TBCD: variants seen among roughly 807,000 people sequenced by gnomAD.
TBCD encodes tubulin folding cofactor D, also known as tubulin-specific chaperone D.
In TBCD, 105 loss-of-function variants were observed where a neutral mutation model predicts 169.3. The ratio of observed to expected loss-of-function variants is 0.62; its 90% CI spans 0.53 to 0.73. The LOEUF (loss-of-function observed/expected upper bound fraction) is 0.73. Among genes scored for constraint, TBCD ranks in the 30% least tolerant of loss-of-function variants. The pLI is 0.00. For synonymous variants in TBCD, 700 were observed against 643.9 expected (o/e 1.09, Z -1.32); for missense variants, 1,444 against 1,600.1 (o/e 0.90, Z 1.66).
chr17:82,818,383 C>A (rs1308490899), intron 13 of TBCD, among the ~76,000 whole-genome samples: 1 of 152,200 alleles, frequency 6.6e-6, no homozygotes, highest in Admixed American at 6.5e-5. Context: ...GGTGACAGGG[C>A]TGACATTTGA....
At chr17:82,823,028 C>T (rs886955731) in intron 13 of TBCD, among the ~76,000 whole-genome samples, 8 of 152,144 alleles carry the variant, frequency 5.3e-5, no homozygotes, top group Admixed American at 2.6e-4. Flanking sequence ...GAGAGGAGTC[C>T]GATTCTGAGA....
At chr17:82,844,368 A>G (rs897879127) in intron 13 of TBCD, among the ~76,000 whole-genome samples, 2 of 152,062 alleles carry the variant, frequency 1.3e-5, no homozygotes, top group Non-Finnish European at 1.5e-5. Context: ...CCCTCCCTGC[A>G]TCGTCAGTGT....
At chr17:82,830,003 G>A (rs891596358) in intron 13 of TBCD, 2 of 1,327,972 alleles carry the variant, frequency 1.5e-6, no homozygotes, top group African/African-American at 2.9e-5. Context: ...TTTTTTGTTT[G>A]TTTGTTTGTT....
At chr17:82,931,105 A>G (rs2062163850) in intron 33 of TBCD, among the ~76,000 whole-genome samples, 1 of 152,212 alleles carries the variant, frequency 6.6e-6, no homozygotes, top group Admixed American at 6.5e-5. Context: ...GAGGCAGAGT[A>G]TAGACCCTGT....
At position 82,942,682 on chromosome 17, in the gene TBCD, C is replaced by A. The variant is rs549662583; in HGVS notation, c.*219C>A. On this transcript the variant is annotated 3_prime_UTR_variant, in exon 39 of 39. Transcript: ENST00000355528. ...CCTTCACTTGAACACAAATGTGCTT[C>A]CTATAAAATCATGTACCAAGAAGTT... 1 of 616,292 alleles carries A rather than the reference C, an allele frequency of 1.6e-6. No homozygotes were observed. Among genetic ancestry groups the A allele is most frequent in the Admixed American group, 2.9e-5 (1 of 34,514 alleles). 38.2% of individuals were successfully genotyped at this position (616,292 alleles called of 1,614,324 possible).
chr17:82,833,825 T>C lies in TBCD; in HGVS notation c.1318+18891T>C, dbSNP rs1311659914. Among the ~76,000 whole-genome samples, 1 of 148,928 alleles carries C rather than the reference T, an allele frequency of 6.7e-6. No homozygotes were observed. The highest frequency in any genetic ancestry group is 1.5e-5 in the Non-Finnish European group (1 of 67,966). The stretch of plus-strand genomic sequence containing the variant: ...AGGTCCTGGGACCCACCAGAGGCTG[T>C]GTGTGTGATGTCAGAGCTGGCCTGC... On this transcript the variant is annotated intron_variant, in intron 13 of 38. Coordinates refer to ENST00000355528, the MANE Select transcript of TBCD (RefSeq NM_005993.5). The surrounding 1 kb of genome is among the most constrained non-coding windows in gnomAD (Gnocchi z 4.7).
At chr17:82,935,057 C>CT (rs940526016) in intron 34 of TBCD, among the ~76,000 whole-genome samples, 66 of 135,664 alleles carry the variant, frequency 4.9e-4, no homozygotes, top group African/African-American at 1.7e-3. Context: ...CAGCCAGACT[C>CT]TGTTTCAAAA....
At position 82,768,579 on chromosome 17, in the gene TBCD, C is replaced by T. The variant is rs746021733; in HGVS notation, c.582+13C>T. 6.2e-7 allele frequency: 1 copy of T among 1,612,680 alleles called. No homozygotes were observed. Among genetic ancestry groups the T allele is most frequent in the South Asian group, 1.1e-5 (1 of 90,998 alleles). ...CCAAATAGCAGAGGTAAATATCATG[C>T]AGATAATTAGCTGCTAATTAGTACT... On this transcript the variant is annotated intron_variant, in intron 5 of 38. Coordinates refer to ENST00000355528, the MANE Select transcript of TBCD (RefSeq NM_005993.5).
chr17:82,921,820 T>C (rs2061435995), intron 25 of TBCD, among the ~76,000 whole-genome samples: 1 of 152,262 alleles, frequency 6.6e-6, no homozygotes, highest in African/African-American at 2.4e-5. Flanking sequence ...CTGGCTGTTT[T>C]AATTATAGTT....
chr17:82,830,394 C>T lies in TBCD; in HGVS notation c.1318+15460C>T, dbSNP rs1442743330. The T allele has an allele frequency of 5.0e-6, 8 of 1,612,212 alleles. No individual in the cohort carries two copies. The Admixed American group carries it at 5.0e-5, about 10-fold the overall frequency. On this transcript the variant is annotated intron_variant, in intron 13 of 38. Transcript: ENST00000355528. The stretch of plus-strand genomic sequence containing the variant: ...TGTTCCTGGGGCTGTAGGCCGCCAG[C>T]TGGCACAGGGCCACGGCTGCCGTCT...
intron 13 of TBCD, among the ~76,000 whole-genome samples, chr17:82,862,740 CCT>C (rs1232218347): frequency 1.3e-5 from 2 of 152,246 alleles, no homozygotes; most frequent in African/African-American, 2.4e-5. Context: ...CGTGAGTTGG[CCT>C]CTCTGCCTGT....
intron 13 of TBCD, among the ~76,000 whole-genome samples, chr17:82,867,644 C>T (rs138222233): frequency 1.3e-5 from 2 of 152,196 alleles, no homozygotes; most frequent in Admixed American, 6.5e-5. Context: ...TGGTTTAGTT[C>T]GGATCGAGGT....
At chr17:82,912,842 A>G (rs1445730983) in intron 23 of TBCD, among the ~76,000 whole-genome samples, 1 of 152,212 alleles carries the variant, frequency 6.6e-6, no homozygotes, top group African/African-American at 2.4e-5. Flanking sequence ...GCCAGCTTGC[A>G]TTTCTGCTGG....
At chr17:82,836,346 C>T (rs1473645622) in intron 13 of TBCD, among the ~76,000 whole-genome samples, 2 of 152,304 alleles carry the variant, frequency 1.3e-5, no homozygotes, top group African/African-American at 2.4e-5. Context: ...GGATGTGTTA[C>T]GGCAGGGATC....
At chr17:82,798,050 C>T (rs1017027853) in intron 8 of TBCD, among the ~76,000 whole-genome samples, 1 of 144,134 alleles carries the variant, frequency 6.9e-6, no homozygotes, top group African/African-American at 2.5e-5. Context: ...AATCTTGGCT[C>T]ACTGCAGCCT....
chr17:82,891,883 G>A (rs551843899), intron 16 of TBCD, among the ~76,000 whole-genome samples: 1 of 152,142 alleles, frequency 6.6e-6, no homozygotes, highest in Non-Finnish European at 1.5e-5. Flanking sequence ...AGGGGCTCTT[G>A]AGCAGGTTGT....
intron 8 of TBCD, among the ~76,000 whole-genome samples, chr17:82,799,469 T>C (rs891460713): frequency 4.4e-4 from 47 of 106,624 alleles, no homozygotes; most frequent in African/African-American, 1.6e-3. Context: ...AAAAAGAAAC[T>C]ATCCGAATAT....
At position 82,768,384 on chromosome 17, in the gene TBCD, A is replaced by G. The variant is rs11868704; in HGVS notation, c.436-36A>G. 45,957 of 1,612,144 alleles carry G rather than the reference A, an allele frequency of 0.029. 1,915 individuals carry two copies. The highest frequency in any genetic ancestry group is 0.2 in the African/African-American group (15,125 of 74,876). On this transcript the variant is annotated intron_variant, in intron 4 of 38. Transcript: ENST00000355528. Reference sequence around the variant, plus strand: ...TGTGGCCAGTGGCCTGTGATTTTCAAGCAAGACTCATTCTTCCCGTGGTTT... The same window carrying G: ...TGTGGCCAGTGGCCTGTGATTTTCAGGCAAGACTCATTCTTCCCGTGGTTT...
intron 21 of TBCD, among the ~76,000 whole-genome samples, chr17:82,908,717 A>G (rs1165999913): frequency 6.6e-6 from 1 of 152,230 alleles, no homozygotes; most frequent in Non-Finnish European, 1.5e-5. Context: ...GGCAGCAGCC[A>G]TGAACGTGGC....
Sources: gnomAD v4.1 joint callset for allele counts (sites outside exome capture counted in the v4.1 genomes callset) on GRCh38, gnomAD v4.1.1 for gene constraint, Gnocchi (gnomAD v3.1) non-coding constraint, MANE v1.5 for transcripts, NCBI Gene and HGNC (gene_info 2026-07-23, HGNC 2026-07-21) for gene names.